DRC9: variants seen among roughly 807,000 people sequenced by gnomAD.
DRC9 encodes the protein dynein regulatory complex protein 9.
At chr3:197,951,189 T>C in the DRC9 span, 5 of 1,614,110 alleles carry the variant, frequency 3.1e-6, no homozygotes, top group Non-Finnish European at 4.2e-6. Flanking sequence ...TTGCTGGCTA[T>C]AAGCGGGGTC....
chr3:197,889,477 CA>C, the DRC9 span: 1 of 1,330,942 alleles, frequency 7.5e-7, no homozygotes. Flanking sequence ...CAATAGGAAA[CA>C]ACCTGTAGAT....
the DRC9 span, chr3:197,951,626 T>A: frequency 1.9e-5 from 7 of 370,628 alleles, no homozygotes; most frequent in South Asian, 1.5e-4. Flanking sequence ...GTGCTGAGAT[T>A]ACAGGCTTGA....
At chr3:197,946,335 T>C in the DRC9 span, among the ~76,000 whole-genome samples, 52,692 of 147,458 alleles carry the variant, frequency 0.36, 13,898 homozygotes, top group African/African-American at 0.77. Flanking sequence ...CTCGGGAGGC[T>C]GAGGCAGGAG....
the DRC9 span, among the ~76,000 whole-genome samples, chr3:197,932,802 T>C: frequency 1.4e-5 from 2 of 141,174 alleles, no homozygotes; most frequent in African/African-American, 5.3e-5. Context: ...TCTCAAAAAA[T>C]ATATATATGT....
At chr3:197,894,285 G>A in the DRC9 span, among the ~76,000 whole-genome samples, 1 of 152,098 alleles carries the variant, frequency 6.6e-6, no homozygotes, top group African/African-American at 2.4e-5. Flanking sequence ...TCCTTGTGAA[G>A]TCCACCCACA....
chr3:197,903,985 C>T, the DRC9 span, among the ~76,000 whole-genome samples: 3 of 146,144 alleles, frequency 2.1e-5, no homozygotes, highest in South Asian at 4.2e-4. Context: ...CATACATACA[C>T]ACACACATAT....
At chr3:197,915,026 T>C in the DRC9 span, among the ~76,000 whole-genome samples, 11 of 148,786 alleles carry the variant, frequency 7.4e-5, no homozygotes. Context: ...TAGCTGGGAG[T>C]GGTGGCGGGC....
chr3:197,956,852 T>C, the DRC9 span: 1 of 152,194 alleles, frequency 6.6e-6, no homozygotes, highest in Admixed American at 6.5e-5. Flanking sequence ...AGTACTACAT[T>C]TCTAACTGAT....
chr3:197,949,236 G>C, the DRC9 span: 1 of 152,218 alleles, frequency 6.6e-6, no homozygotes. Flanking sequence ...CCTTGGTACA[G>C]GGTAGTCATT....
chr3:197,928,057 G>T, the DRC9 span, among the ~76,000 whole-genome samples: 1 of 152,040 alleles, frequency 6.6e-6, no homozygotes, highest in Non-Finnish European at 1.5e-5. Context: ...GTATACCTAT[G>T]TATCAAACCT....
chr3:197,921,166 A>G, the DRC9 span, among the ~76,000 whole-genome samples: 8 of 108,552 alleles, frequency 7.4e-5, no homozygotes, highest in East Asian at 5.4e-4. Flanking sequence ...ACCTGATTTC[A>G]TCTTGGTCGA....
chr3:197,891,164 G>C, the DRC9 span, among the ~76,000 whole-genome samples: 8 of 152,324 alleles, frequency 5.3e-5, no homozygotes, highest in East Asian at 1.3e-3. Flanking sequence ...GTTTTGGTTA[G>C]ACATAGTAAT....
chr3:197,906,290 A>C, the DRC9 span: 6 of 152,294 alleles, frequency 3.9e-5, no homozygotes, highest in South Asian at 8.3e-4. Flanking sequence ...GCGCAGGAGG[A>C]TTCCTGCTGG....
chr3:197,951,094 G>A, the DRC9 span: 4 of 1,608,138 alleles, frequency 2.5e-6, no homozygotes, highest in East Asian at 4.5e-5. Context: ...TTGGGTGGGG[G>A]TGATTACAAG....
the DRC9 span, among the ~76,000 whole-genome samples, chr3:197,949,133 CT>C: frequency 9.9e-5 from 15 of 152,228 alleles, no homozygotes; most frequent in African/African-American, 3.6e-4. Context: ...AACGTGTCAT[CT>C]ATTTTTACTT....
At chr3:197,925,446 G>A in the DRC9 span, among the ~76,000 whole-genome samples, 9 of 151,172 alleles carry the variant, frequency 6.0e-5, no homozygotes, top group Non-Finnish European at 1.2e-4. Flanking sequence ...GGTCATCTGT[G>A]GGGGAGGGTG....
At chr3:197,940,155 G>A in the DRC9 span, among the ~76,000 whole-genome samples, 40 of 151,788 alleles carry the variant, frequency 2.6e-4, no homozygotes, top group African/African-American at 5.3e-4. Flanking sequence ...CATCATGCCC[G>A]GCTAATTTTT....
At chr3:197,906,200 G>C in the DRC9 span, among the ~76,000 whole-genome samples, 40 of 152,132 alleles carry the variant, frequency 2.6e-4, no homozygotes, top group Admixed American at 4.6e-4. Context: ...CTCACTGTCC[G>C]GTCACCAGAG....
chr3:197,934,253 C>T, the DRC9 span, among the ~76,000 whole-genome samples: 26 of 134,026 alleles, frequency 1.9e-4, no homozygotes, highest in Admixed American at 7.9e-5. Context: ...GGCACGATCT[C>T]GGCTCACTGC....
Sources: gnomAD v4.1 joint callset for allele counts (sites outside exome capture counted in the v4.1 genomes callset) on GRCh38, gnomAD v4.1.1 for gene constraint, MANE v1.5 for transcripts, NCBI Gene and HGNC (gene_info 2026-07-23, HGNC 2026-07-21) for gene names.